Variants in NR6A1 observed in about 807,000 individuals in gnomAD.
NR6A1 encodes the protein nuclear receptor subfamily 6 group A member 1.
NR6A1 carries 7 observed loss-of-function variants against 59.1 expected under a neutral mutation model. The observed-to-expected ratio is 0.12, with a 90% confidence interval of 0.07 to 0.22. NR6A1 has a LOEUF of 0.22. Among genes scored for constraint, NR6A1 ranks in the 10% least tolerant of loss-of-function variants. The pLI is 1.00. For synonymous variants in NR6A1, 243 were observed against 236.1 expected (o/e 1.03, Z -0.27); for missense variants, 468 against 611.6 (o/e 0.77, Z 2.48).
intron 2 of NR6A1, among the ~76,000 whole-genome samples, chr9:124,710,200 A>C (rs1839236036): frequency 6.6e-6 from 1 of 152,196 alleles, no homozygotes; most frequent in African/African-American, 2.4e-5. Context: ...GCACAAAATC[A>C]TTACATGAAG....
At chr9:124,755,195 G>A (rs534110553) in intron 1 of NR6A1, among the ~76,000 whole-genome samples, 2 of 147,048 alleles carry the variant, frequency 1.4e-5, no homozygotes, top group East Asian at 4.0e-4. Flanking sequence ...TCAGGCAAAA[G>A]AGTATTTCAG....
chr9:124,756,677 C>A (rs1172120856), intron 1 of NR6A1, among the ~76,000 whole-genome samples: 8 of 152,154 alleles, frequency 5.3e-5, no homozygotes, highest in African/African-American at 1.9e-4. Context: ...ATGCAGATTT[C>A]TAAAGGAATG....
intron 2 of NR6A1, among the ~76,000 whole-genome samples, chr9:124,617,278 G>A (rs1835923905): frequency 6.6e-6 from 1 of 152,188 alleles, no homozygotes; most frequent in African/African-American, 2.4e-5. Context: ...ATTCCCGGGT[G>A]GCCCTTATCC....
At chr9:124,582,514 A>G (rs1197326566) in intron 2 of NR6A1, among the ~76,000 whole-genome samples, 1 of 152,068 alleles carries the variant, frequency 6.6e-6, no homozygotes, top group Admixed American at 6.6e-5. Context: ...ACAAACCTCC[A>G]TGACACACAT....
chr9:124,617,501 T>G (rs952647293), intron 2 of NR6A1, among the ~76,000 whole-genome samples: 6 of 152,232 alleles, frequency 3.9e-5, no homozygotes, highest in African/African-American at 1.2e-4. Flanking sequence ...GTTTCTGTAC[T>G]TGTATCTTTT....
At chr9:124,702,169 G>C (rs1052259068) in intron 2 of NR6A1, among the ~76,000 whole-genome samples, 29 of 152,270 alleles carry the variant, frequency 1.9e-4, no homozygotes, top group Middle Eastern at 6.8e-3. Flanking sequence ...TGCCACTGGT[G>C]TCACATCTAA....
rs73581848 is a variant in NR6A1 at position 124,599,113 on chromosome 9, C to T, written c.143-44543G>A. The T allele has an allele frequency of 6.4e-3, 4,396 of 686,300 alleles. 123 individuals carry two copies. In the African/African-American group the frequency reaches 0.067, roughly 10 times the overall value. 42.5% of individuals were successfully genotyped at this position (686,300 alleles called of 1,614,324 possible). ...GCTCGTTCCATTCTAGGAGACGGTT[C>T]TCTGCGGCAAATCACAGTTTCGCCC... On this transcript the variant is annotated intron_variant, in intron 2 of 9. Coordinates refer to ENST00000487099, the MANE Select transcript of NR6A1 (RefSeq NM_033334.4).
intron 3 of NR6A1, among the ~76,000 whole-genome samples, chr9:124,549,943 A>G (rs1392779900): frequency 6.6e-6 from 1 of 152,206 alleles, no homozygotes; most frequent in East Asian, 1.9e-4. Context: ...TCATGCCTTC[A>G]TAGTCTTCTC....
intron 1 of NR6A1, among the ~76,000 whole-genome samples, chr9:124,760,452 T>C (rs1840757770): frequency 6.6e-6 from 1 of 152,226 alleles, no homozygotes; most frequent in African/African-American, 2.4e-5. Flanking sequence ...CCAACATAGA[T>C]AAATGCCCCA....
chr9:124,687,723 G>A (rs749187982), intron 2 of NR6A1, among the ~76,000 whole-genome samples: 10 of 152,148 alleles, frequency 6.6e-5, no homozygotes, highest in Admixed American at 2.6e-4. Flanking sequence ...AGAATTAGTA[G>A]TCAAAGTGCT....
chr9:124,711,187 TAAAAAAAAAAAAAA>T lies in NR6A1; in HGVS notation c.142+22107_142+22120del, dbSNP rs58609931. On this transcript the variant is annotated intron_variant, in intron 2 of 9. Coordinates refer to ENST00000487099, the MANE Select transcript of NR6A1 (RefSeq NM_033334.4). ...TTACATGCCTAAGTCAGCTAAGGTT[TAAAAAAAAAAAAAA>T]AAAAAAAAAAAAAAGCTGGCATCTT... Among the ~76,000 whole-genome samples, 35 of 66,498 alleles carry T rather than the reference TAAAAAAAAAAAAAA, an allele frequency of 5.3e-4. No homozygotes were observed. The East Asian group carries it at 0.012, about 23-fold the overall frequency. 43.6% of individuals were successfully genotyped at this position (66,498 alleles called of 152,430 possible). A position where few individuals can be genotyped will look rare whatever the true frequency, so the allele number is the denominator to read the frequency against.
intron 2 of NR6A1, among the ~76,000 whole-genome samples, chr9:124,570,255 G>A (rs1834401931): frequency 3.3e-5 from 5 of 151,872 alleles, no homozygotes; most frequent in Admixed American, 3.3e-4. Context: ...TTCCCCTCCA[G>A]CCTGCTTTTC....
At chr9:124,703,423 G>T (rs1839026706) in intron 2 of NR6A1, among the ~76,000 whole-genome samples, 1 of 150,766 alleles carries the variant, frequency 6.6e-6, no homozygotes, top group Non-Finnish European at 1.5e-5. Context: ...ACCCAGGCTG[G>T]TCTTGAACTC....
Position 124,683,255 on chromosome 9 carries a change from G to A in NR6A1, c.142+50053C>T, listed in dbSNP as rs371676227. On this transcript the variant is annotated intron_variant, in intron 2 of 9. Coordinates refer to ENST00000487099, the MANE Select transcript of NR6A1 (RefSeq NM_033334.4). ...GGAAAGGGAAAAGGAAAAGGAAAAG[G>A]AAAAGGAAAAGGAAAAGACAAGACA... Among the ~76,000 whole-genome samples the A allele has an allele frequency of 2.4e-3, 365 of 151,868 alleles. 1 individual carries two copies. Among genetic ancestry groups the A allele is most frequent in the African/African-American group, 8.1e-3 (335 of 41,380 alleles).
At chr9:124,604,182 A>C (rs1326608766) in intron 2 of NR6A1, among the ~76,000 whole-genome samples, 4 of 152,260 alleles carry the variant, frequency 2.6e-5, no homozygotes, top group Non-Finnish European at 5.9e-5. Flanking sequence ...TAGGTCCTGG[A>C]GTCAGGAACT....
chr9:124,615,784 C>T (rs971055978), intron 2 of NR6A1, among the ~76,000 whole-genome samples: 1 of 152,064 alleles, frequency 6.6e-6, no homozygotes, highest in Admixed American at 6.6e-5. Flanking sequence ...ATGTTTGGAG[C>T]CAGAAAAACT....
chr9:124,741,956 A>T (rs1180593004), intron 1 of NR6A1, among the ~76,000 whole-genome samples: 1 of 152,196 alleles, frequency 6.6e-6, no homozygotes, highest in Non-Finnish European at 1.5e-5. Context: ...CACAGAGAGG[A>T]GACAGGCATT....
intron 2 of NR6A1, among the ~76,000 whole-genome samples, chr9:124,728,774 T>C (rs1314847874): frequency 6.6e-6 from 1 of 152,162 alleles, no homozygotes; most frequent in Non-Finnish European, 1.5e-5. Flanking sequence ...TATGCACCAA[T>C]CACTAAGACT....
At chr9:124,633,191 T>G (rs1417955248) in intron 2 of NR6A1, among the ~76,000 whole-genome samples, 2 of 151,882 alleles carry the variant, frequency 1.3e-5, no homozygotes, top group Non-Finnish European at 2.9e-5. Context: ...GATCACCAGG[T>G]CAGGAGATCG....
Sources: gnomAD v4.1 joint callset for allele counts (sites outside exome capture counted in the v4.1 genomes callset) on GRCh38, gnomAD v4.1.1 for gene constraint, MANE v1.5 for transcripts, NCBI Gene and HGNC (gene_info 2026-07-23, HGNC 2026-07-21) for gene names.